The following SNX13 variants were observed in gnomAD, a reference collection of about 807,000 sequenced individuals.
The protein encoded by SNX13 is sorting nexin 13, also known as sorting nexin-13.
SNX13 carries 45 observed loss-of-function variants against 133.6 expected under a neutral mutation model. The observed-to-expected ratio is 0.34, with a 90% CI of 0.27 to 0.43. SNX13 has a LOEUF of 0.43. SNX13 is among the 20% of genes least tolerant of loss of function. SNX13 has a pLI of 1.00. For synonymous variants in SNX13, 414 were observed against 373.9 expected (o/e 1.11, Z -1.24); for missense variants, 1,032 against 1,145.1 (o/e 0.90, Z 1.43).
At chr7:17,800,287 T>C (rs997849574) in intron 22 of SNX13, among the ~76,000 whole-genome samples, 2 of 151,640 alleles carry the variant, frequency 1.3e-5, no homozygotes, top group African/African-American at 4.8e-5. Context: ...ATTAAGACAG[T>C]TGATTATAAA....
intron 20 of SNX13, among the ~76,000 whole-genome samples, chr7:17,805,250 T>TGTGTGTGCGCGCGCGCGCGC: frequency 1.0e-4 from 10 of 95,594 alleles, no homozygotes; most frequent in South Asian, 3.0e-4. Flanking sequence ...TGTGTGTGTG[T>TGTGTGTGCGCGCGCGCGCGC]GCGTGCGCGC....
intron 15 of SNX13, chr7:17,831,073 C>T (rs1453994732): frequency 3.0e-6 from 3 of 984,284 alleles, no homozygotes; most frequent in Non-Finnish European, 3.6e-6. Flanking sequence ...ATGCCTCCTA[C>T]CTCTTCTGTA....
rs570551257 is a variant in SNX13, at chr7:17,882,704, T to A, written c.441-6914A>T. ...GTGTGTGTTTTGGGAGGAAACATGATTGAAAAGAAATCAAGATTAGTAACA... is the reference window on the plus strand; with the variant it reads ...GTGTGTGTTTTGGGAGGAAACATGAATGAAAAGAAATCAAGATTAGTAACA... On this transcript the variant is annotated intron_variant, in intron 5 of 25. Coordinates refer to ENST00000428135, the MANE Select transcript of SNX13 (RefSeq NM_015132.5). The A allele has an allele frequency of 1.8e-5, 14 of 772,054 alleles. No homozygotes were observed. The African/African-American group carries it at 2.7e-4, about 15-fold the overall frequency. The allele number at this position is 772,054 out of a possible 1,614,324, so 47.8% of individuals were successfully genotyped here.
intron 1 of SNX13, among the ~76,000 whole-genome samples, chr7:17,919,996 A>G (rs1419825768): frequency 6.6e-6 from 1 of 152,114 alleles, no homozygotes; most frequent in Non-Finnish European, 1.5e-5. Context: ...ATGAATGAGT[A>G]AAGAATAAAA....
At chr7:17,833,000 T>C (rs1583406934) in intron 15 of SNX13, among the ~76,000 whole-genome samples, 1 of 151,470 alleles carries the variant, frequency 6.6e-6, no homozygotes, top group East Asian at 1.9e-4. Flanking sequence ...CTCTATTTTA[T>C]CTCCATTCTC....
intron 2 of SNX13, among the ~76,000 whole-genome samples, chr7:17,896,398 T>C (rs1264239435): frequency 6.6e-6 from 1 of 152,170 alleles, no homozygotes; most frequent in African/African-American, 2.4e-5. Context: ...GACTACAACA[T>C]GACTATCAAA....
At chr7:17,894,698 C>G (rs1162374934) in intron 2 of SNX13, among the ~76,000 whole-genome samples, 1 of 152,042 alleles carries the variant, frequency 6.6e-6, no homozygotes, top group Non-Finnish European at 1.5e-5. Flanking sequence ...TGTTGGAAAT[C>G]CATCAAAAAA....
chr7:17,907,696 G>A (rs1798544771), intron 1 of SNX13, among the ~76,000 whole-genome samples: 1 of 152,122 alleles, frequency 6.6e-6, no homozygotes, highest in Non-Finnish European at 1.5e-5. Flanking sequence ...CTGATGCTGA[G>A]TCCAAGACAT....
chr7:17,854,793 C>T (rs1791685729), intron 9 of SNX13, among the ~76,000 whole-genome samples: 1 of 152,170 alleles, frequency 6.6e-6, no homozygotes, highest in Non-Finnish European at 1.5e-5. Flanking sequence ...CACATAACAA[C>T]ATTGAAGTTA....
intron 1 of SNX13, among the ~76,000 whole-genome samples, chr7:17,905,265 A>G (rs138609821): frequency 2.1e-4 from 32 of 152,350 alleles, no homozygotes; most frequent in African/African-American, 7.5e-4. Flanking sequence ...CTCCAACCCA[A>G]TTATTTTGGA....
Position 17,850,848 on chromosome 7 carries a change from T to C in SNX13, c.954A>G (p.Arg318=). The part of the protein sequence containing the change: ...DKAAEELQYL[R]SLDTAGDDIN... ...TACCATCACCAGCTGTATCTAGAGA[T>C]CTAAGATACTGTAATTCTTCTGCTG... The change falls in exon 10 of 26, where the codon AGA becomes AGG. Residue 318 remains arginine (R), a synonymous_variant. Transcript: ENST00000428135. The C allele has an allele frequency of 6.2e-7, 1 of 1,606,690 alleles. No homozygotes were observed. The highest frequency in any genetic ancestry group is 8.5e-7 in the Non-Finnish European group (1 of 1,176,532).
At chr7:17,900,792 G>T (rs1325533424) in intron 1 of SNX13, among the ~76,000 whole-genome samples, 3 of 152,154 alleles carry the variant, frequency 2.0e-5, no homozygotes, top group African/African-American at 7.2e-5. Context: ...AGCCCACTTG[G>T]TGCTCTATTC....
intron 1 of SNX13, among the ~76,000 whole-genome samples, chr7:17,920,928 C>T (rs560979562): frequency 1.1e-3 from 162 of 152,308 alleles, no homozygotes; most frequent in African/African-American, 3.7e-3. Context: ...ATAGTAAAGG[C>T]TTTGCCATCA....
Position 17,875,904 on chromosome 7 carries a change from T to A in SNX13, c.441-114A>T. 3 of 890,412 alleles carry A rather than the reference T, an allele frequency of 3.4e-6. No homozygotes were observed. The South Asian group carries it at 6.7e-5, about 20-fold the overall frequency. The allele number at this position is 890,412 out of a possible 1,614,324, so 55.2% of individuals were successfully genotyped here. On this transcript the variant is annotated intron_variant, in intron 5 of 25. Transcript: ENST00000428135. Reference sequence around the variant, plus strand: ...GATTATCTGAGACTGTAAATTTAAATTGAGATTTTCATTCATTATTACCTG... The same window carrying A: ...GATTATCTGAGACTGTAAATTTAAAATGAGATTTTCATTCATTATTACCTG...
intron 25 of SNX13, 94 bp from the exon 26 acceptor site, chr7:17,794,386 A>G: frequency 7.0e-7 from 1 of 1,426,028 alleles, no homozygotes; most frequent in South Asian, 1.4e-5. Flanking sequence ...ACAGCAGAGT[A>G]ACTGATGAAC....
rs560600312 is a variant in SNX13 at position 17,816,247 on chromosome 7, T to C, written c.1888A>G (p.Thr630Ala). 5.2e-5 allele frequency: 80 copies of C among 1,543,858 alleles called. No homozygotes were observed. The highest frequency in any genetic ancestry group is 6.9e-5 in the African/African-American group (5 of 72,678). ...SSILKLPGKK[T>A]FNNMDRDFLE... ...AAATCTCTATCCATATTATTAAAAG[T>C]CTTTTTTCCAGGAAGTTTCAATATG... Residue 630 changes from threonine (T) to alanine (A), a missense_variant, in exon 19 of 26, where the codon ACT becomes GCT. By Grantham distance (58) the Thr-to-Ala change is moderately conservative. Coordinates refer to ENST00000428135, the MANE Select transcript of SNX13 (RefSeq NM_015132.5).
chr7:17,873,760 AT>A, intron 7 of SNX13, 144 bp from the exon 8 acceptor site: 1 of 387,654 alleles, frequency 2.6e-6, no homozygotes, highest in Non-Finnish European at 4.5e-6. Context: ...ACACATCAGT[AT>A]TCATTAAAAA....
chr7:17,875,426 C>T (rs779993868), intron 7 of SNX13, 54 bp downstream of exon 7: 106 of 1,467,404 alleles, frequency 7.2e-5, no homozygotes, highest in Middle Eastern at 1.8e-4. Flanking sequence ...ACTGGTTCTG[C>T]TAACTTGACT....
At chr7:17,850,265 CT>C in intron 11 of SNX13, 81 bp downstream of exon 11, 1 of 816,924 alleles carries the variant, frequency 1.2e-6, no homozygotes. Context: ...AAACGTCCTG[CT>C]TTTTGTCCTT....
Sources: gnomAD v4.1 joint callset for allele counts (sites outside exome capture counted in the v4.1 genomes callset) on GRCh38, gnomAD v4.1.1 for gene constraint, MANE v1.5 for transcripts, NCBI Gene and HGNC (gene_info 2026-07-23, HGNC 2026-07-21) for gene names.